Variants in TENM4 observed in about 807,000 individuals in gnomAD.
TENM4 encodes teneurin transmembrane protein 4, also known as teneurin-4.
A neutral mutation model predicts 243.3 loss-of-function variants in TENM4; 82 were observed. The ratio of observed to expected loss-of-function variants is 0.34; its 90% confidence interval spans 0.28 to 0.40. The LOEUF is 0.40. Ranked by LOEUF, TENM4 falls within the 10% of genes least tolerant of loss-of-function variation. The pLI is 1.00. For synonymous variants in TENM4, 1,412 were observed against 1,456.3 expected, an observed-to-expected ratio of 0.97 and a Z score of 0.69; for missense variants, 3,138 against 3,673.3, an observed-to-expected ratio of 0.85 and a Z score of 3.77.
chr11:79,304,525 C>T (rs1856596545), intron 1 of TENM4, among the ~76,000 whole-genome samples: 1 of 152,164 alleles, frequency 6.6e-6, no homozygotes, highest in Admixed American at 6.5e-5. Flanking sequence ...CTGATCAGGT[C>T]CTTGAAACAT....
At chr11:78,784,930 T>C (rs1856903336) in intron 16 of TENM4, among the ~76,000 whole-genome samples, 1 of 152,120 alleles carries the variant, frequency 6.6e-6, no homozygotes, top group Non-Finnish European at 1.5e-5. Context: ...GTTTATCTTA[T>C]AACATTTTTG....
intron 28 of TENM4, among the ~76,000 whole-genome samples, chr11:78,700,920 T>C (rs1179574322): frequency 6.6e-6 from 1 of 152,208 alleles, no homozygotes; most frequent in African/African-American, 2.4e-5. Context: ...TATTACAGCG[T>C]AATATGCAAT....
chr11:78,973,189 T>C (rs1857580509), intron 6 of TENM4, among the ~76,000 whole-genome samples: 2 of 152,252 alleles, frequency 1.3e-5, no homozygotes, highest in Non-Finnish European at 2.9e-5. Context: ...TTTACCTCTT[T>C]TGGGTATACA....
chr11:79,320,151 C>T lies in TENM4; in HGVS notation c.-320-22608G>A, dbSNP rs189387577. Among the ~76,000 whole-genome samples the T allele has an allele frequency of 7.5e-4, 114 of 152,320 alleles. 2 individuals are homozygous for T. In the South Asian group the frequency reaches 0.012, roughly 17 times the overall value. On this transcript the variant is annotated intron_variant, in intron 1 of 33. Transcript: ENST00000278550. ...TTCTGCACCCTCTGACTCCTGAAAA[C>T]ATCCCCAGGAGTGAAACTGGATGCA...
At chr11:78,920,463 C>T (rs569478857) in intron 6 of TENM4, among the ~76,000 whole-genome samples, 2 of 152,276 alleles carry the variant, frequency 1.3e-5, no homozygotes, top group Admixed American at 6.5e-5. Flanking sequence ...GCAGCTGCAC[C>T]GCTGAGCCCG....
rs1860366877 is a variant in TENM4, at chr11:79,069,925, T to C, written c.20A>G (p.Lys7Arg). 6.5e-7 allele frequency: 1 copy of C among 1,546,500 alleles called. No individual in the cohort carries two copies. Among genetic ancestry groups the C allele is most frequent in the Non-Finnish European group, 8.7e-7 (1 of 1,146,552 alleles). ...GCGCCGGGTCAGCGAGCGGTAAGGCTTCCTCTCCTTCACGTCCATGGCCTC... is the reference window on the plus strand; with the variant it reads ...GCGCCGGGTCAGCGAGCGGTAAGGCCTCCTCTCCTTCACGTCCATGGCCTC... MDVKER[K>R]PYRSLTRRRD... Residue 7 changes from lysine to arginine, a missense_variant, in exon 5 of 34, where the codon AAG (lysine) becomes AGG (arginine). This residue lies in a region of TENM4 where 671 missense variants were observed against 614.1 expected (regional missense o/e 1.09). Coordinates refer to ENST00000278550, the MANE Select transcript of TENM4 (RefSeq NM_001098816.3).
intron 2 of TENM4, among the ~76,000 whole-genome samples, chr11:79,220,144 G>A (rs1049680616): frequency 7.2e-5 from 11 of 152,264 alleles, no homozygotes; most frequent in Middle Eastern, 3.2e-3. Flanking sequence ...CCCCTGTTTA[G>A]GGAAGGCAGC....
At chr11:78,912,075 G>A (rs1856201875) in intron 6 of TENM4, among the ~76,000 whole-genome samples, 1 of 152,190 alleles carries the variant, frequency 6.6e-6, no homozygotes, top group Non-Finnish European at 1.5e-5. Context: ...GTAGGGGCCT[G>A]GCATGAGTGA....
chr11:78,713,982 AT>A (rs1859462878), intron 25 of TENM4, among the ~76,000 whole-genome samples: 1 of 152,102 alleles, frequency 6.6e-6, no homozygotes. Context: ...TCCGGAAGGT[AT>A]TTTGATTCAA....
At chr11:78,879,161 T>A (rs1409386863) in intron 9 of TENM4, among the ~76,000 whole-genome samples, 3 of 148,748 alleles carry the variant, frequency 2.0e-5, no homozygotes, top group East Asian at 2.1e-4. Context: ...GGCCACCCCG[T>A]CTGGGATGTG....
chr11:79,009,773 T>A (rs1326372551), intron 6 of TENM4, among the ~76,000 whole-genome samples: 8 of 152,156 alleles, frequency 5.3e-5, no homozygotes, highest in Non-Finnish European at 1.0e-4. Context: ...GCCTCCTGCT[T>A]CCCAGTGTAA....
At chr11:78,903,569 C>T (rs1187869273) in intron 6 of TENM4, 46 bp from the exon 7 acceptor site, 125 of 1,538,836 alleles carry the variant, frequency 8.1e-5, no homozygotes, top group Non-Finnish European at 1.0e-4. Context: ...TTGGTGCTGC[C>T]CCTCGGCTGG....
intron 1 of TENM4, among the ~76,000 whole-genome samples, chr11:79,323,908 T>C (rs7127793): frequency 1.3e-5 from 2 of 151,568 alleles, no homozygotes; most frequent in African/African-American, 2.4e-5. Flanking sequence ...CACACATATA[T>C]ACACTGACAT....
chr11:79,042,971 G>A (rs1000722239), intron 6 of TENM4, among the ~76,000 whole-genome samples: 4 of 152,150 alleles, frequency 2.6e-5, no homozygotes, highest in East Asian at 1.9e-4. Context: ...GCCCAAGCAC[G>A]TCTTGCCACA....
intron 3 of TENM4, among the ~76,000 whole-genome samples, chr11:79,193,367 G>A (rs1247896273): frequency 6.6e-6 from 1 of 152,206 alleles, no homozygotes. Flanking sequence ...CTCCCATCAG[G>A]ATGACTTACA....
At chr11:79,045,540 C>A (rs1859635071) in intron 6 of TENM4, among the ~76,000 whole-genome samples, 1 of 152,158 alleles carries the variant, frequency 6.6e-6, no homozygotes, top group South Asian at 2.1e-4. Context: ...ATGCACCCCA[C>A]CCCCTTACTG....
At position 78,863,132 on chromosome 11, in the gene TENM4, G is replaced by A. The variant is rs775673267; in HGVS notation, c.1085C>T (p.Ala362Val). The A allele has an allele frequency of 2.0e-6, 3 of 1,493,808 alleles. No homozygotes were observed. The highest frequency in any genetic ancestry group is 5.1e-5 in the East Asian group (2 of 39,510). The allele number at this position is 1,493,808 out of a possible 1,614,324, so 92.5% of individuals were successfully genotyped here. Reference sequence around the variant, plus strand: ...CCAGTTTAGGCCAAACAGGTGCATGGCTGTGGTGAGCAATGAGAAAAGTCA... The same window carrying A: ...CCAGTTTAGGCCAAACAGGTGCATGACTGTGGTGAGCAATGAGAAAAGTCA... ...TLVILLAYFV[A>V]MHLFGLNWHL... Residue 362 changes from alanine to valine, a missense_variant and splice_region_variant, in exon 10 of 34, where the codon GCC becomes GTC. Around this residue, in one of 2 missense-constraint regions of TENM4, gnomAD observed 671 missense variants for 614.1 expected, o/e 1.09. Coordinates refer to ENST00000278550, the MANE Select transcript of TENM4 (RefSeq NM_001098816.3).
chr11:78,722,842 T>G lies in TENM4; in HGVS notation c.3626A>C (p.Asn1209Thr). Reference protein sequence around the residue: ...QPPVIGSIMGNGRRRSISCPS... With the variant: ...QPPVIGSIMGTGRRRSISCPS... ...GCAGGAGATGCTTCTCCGGCGCCCA[T>G]TGCCCATGATGCTCCCAATGACAGG... The change falls in exon 24 of 34, where the codon AAT (asparagine) becomes ACT (threonine). Residue 1209 changes from asparagine (N) to threonine (T), a missense_variant. Transcript: ENST00000278550. 6.2e-7 allele frequency: 1 copy of G among 1,614,038 alleles called. No individual in the cohort carries two copies. The highest frequency in any genetic ancestry group is 8.5e-7 in the Non-Finnish European group (1 of 1,179,892).
chr11:79,437,253 A>G (rs1477950493), intron 1 of TENM4, among the ~76,000 whole-genome samples: 1 of 152,184 alleles, frequency 6.6e-6, no homozygotes, highest in Non-Finnish European at 1.5e-5. Flanking sequence ...ACACATGCAC[A>G]CACACACACA....
Sources: allele counts gnomAD v4.1 joint callset (sites outside exome capture counted in the v4.1 genomes callset), GRCh38; gene constraint gnomAD v4.1.1; regional missense constraint gnomAD v4.1.1; transcripts MANE v1.5; gene names NCBI Gene and HGNC (gene_info 2026-07-23, HGNC 2026-07-21).